CYYR1: variants seen among roughly 807,000 people sequenced by gnomAD.
The protein encoded by CYYR1 is cysteine and tyrosine rich 1.
CYYR1 carries 14 observed loss-of-function variants against 15.2 expected under a neutral mutation model. The ratio of observed to expected loss-of-function variants is 0.92; its 90% CI spans 0.61 to 1.44. CYYR1 has a LOEUF of 1.44. Among genes scored for constraint, CYYR1 ranks in the 40% most tolerant of loss-of-function variants. The pLI is 0.00. For missense variants in CYYR1, 228 were observed against 209.5 expected, an observed-to-expected ratio of 1.09 and a Z score of -0.54; for synonymous variants, 80 against 77.4, an observed-to-expected ratio of 1.03 and a Z score of -0.18.
chr21:26,534,895 G>A (rs1361100492), intron 2 of CYYR1, among the ~76,000 whole-genome samples: 7 of 152,102 alleles, frequency 4.6e-5, no homozygotes, highest in East Asian at 1.9e-4. Flanking sequence ...TTGTATGTAC[G>A]ATCTTATGTA....
In CYYR1 at chr21:26,556,920, A is replaced by G. The variant is rs539415267; in HGVS notation, c.176+9346T>C. 5.9e-5 allele frequency among the ~76,000 whole-genome samples: 9 copies of G among 152,274 alleles called. No homozygotes were observed. The South Asian group carries it at 1.7e-3, about 28-fold the overall frequency. On this transcript the variant is annotated intron_variant, in intron 2 of 3. Coordinates refer to ENST00000652641, the MANE Select transcript of CYYR1 (RefSeq NM_001320768.2). ...GGTAAGAAAAGGTTCTCTCCAAAAT[A>G]TAGCGTTTAGGTCTTCAAAAGGATA...
At chr21:26,559,443 C>A (rs187172925) in intron 2 of CYYR1, among the ~76,000 whole-genome samples, 1 of 152,208 alleles carries the variant, frequency 6.6e-6, no homozygotes, top group Non-Finnish European at 1.5e-5. Flanking sequence ...TAATTCACGT[C>A]CCACAAAACT....
At chr21:26,571,841 C>T (rs1174038805) in intron 1 of CYYR1, among the ~76,000 whole-genome samples, 1 of 152,146 alleles carries the variant, frequency 6.6e-6, no homozygotes, top group Non-Finnish European at 1.5e-5. Flanking sequence ...TGCCATAAAA[C>T]ATCTTTAAAA....
chr21:26,516,988 G>T (rs945712867), intron 2 of CYYR1, among the ~76,000 whole-genome samples: 4 of 150,160 alleles, frequency 2.7e-5, no homozygotes, highest in African/African-American at 4.9e-5. Context: ...GGTAGCGGGC[G>T]CCTGTAGTCC....
chr21:26,481,365 A>G (rs574725067), intron 2 of CYYR1, among the ~76,000 whole-genome samples: 1 of 152,244 alleles, frequency 6.6e-6, no homozygotes, highest in South Asian at 2.1e-4. Flanking sequence ...GGACTGACAG[A>G]AAAAAATTCG....
At chr21:26,540,017 C>CT (rs1416936786) in intron 2 of CYYR1, among the ~76,000 whole-genome samples, 4 of 152,138 alleles carry the variant, frequency 2.6e-5, no homozygotes, top group Non-Finnish European at 5.9e-5. Context: ...AGGAAGGCCT[C>CT]TTTTTTGTGT....
chr21:26,469,849 G>T lies in CYYR1; in HGVS notation c.335-1215C>A, dbSNP rs372595566. Among the ~76,000 whole-genome samples the T allele has an allele frequency of 7.2e-5, 11 of 152,130 alleles. No individual in the cohort carries two copies. The East Asian group carries it at 1.4e-3, about 19-fold the overall frequency. ...TACTTTATGATGACTATACATAAAAGTCTATTTTGTAGTGGTTTCAGTTCC... is the reference window on the plus strand; with the variant it reads ...TACTTTATGATGACTATACATAAAATTCTATTTTGTAGTGGTTTCAGTTCC... On this transcript the variant is annotated intron_variant, in intron 3 of 3. Coordinates refer to ENST00000652641, the MANE Select transcript of CYYR1 (RefSeq NM_001320768.2).
intron 2 of CYYR1, among the ~76,000 whole-genome samples, chr21:26,535,340 T>C (rs375817239): frequency 8.7e-4 from 132 of 152,280 alleles, no homozygotes; most frequent in African/African-American, 3.1e-3. Context: ...AGAGACAACC[T>C]GGCACAAAGG....
Position 26,533,982 on chromosome 21 carries a change from C to T in CYYR1, c.176+32284G>A, listed in dbSNP as rs779875573. On this transcript the variant is annotated intron_variant, in intron 2 of 3. Transcript: ENST00000652641. ...AAAATTCAGGATTCCAGTGTAACTGCGCCACAGAAACAGAGCACCAAGCAC... is the reference window on the plus strand; with the variant it reads ...AAAATTCAGGATTCCAGTGTAACTGTGCCACAGAAACAGAGCACCAAGCAC... 4.6e-5 allele frequency among the ~76,000 whole-genome samples: 7 copies of T among 152,092 alleles called. 1 individual carries two copies. In the East Asian group the frequency reaches 7.7e-4, roughly 17 times the overall value.
At chr21:26,545,974 G>A (rs1451141472) in intron 2 of CYYR1, among the ~76,000 whole-genome samples, 4 of 152,124 alleles carry the variant, frequency 2.6e-5, no homozygotes, top group Non-Finnish European at 5.9e-5. Context: ...CATGGACCTG[G>A]CTGTCCAGGT....
intron 2 of CYYR1, among the ~76,000 whole-genome samples, chr21:26,495,254 G>A (rs2065381043): frequency 6.6e-6 from 1 of 152,148 alleles, no homozygotes; most frequent in East Asian, 1.9e-4. Flanking sequence ...AGATCTAACA[G>A]CAACAGGAAT....
chr21:26,517,445 T>G (rs1011065665), intron 2 of CYYR1, among the ~76,000 whole-genome samples: 1 of 152,190 alleles, frequency 6.6e-6, no homozygotes, highest in Non-Finnish European at 1.5e-5. Flanking sequence ...ATATTTAGTT[T>G]GAAAAAAATA....
chr21:26,564,676 T>C, intron 2 of CYYR1: 1 of 1,082,276 alleles, frequency 9.2e-7, no homozygotes, highest in Non-Finnish European at 1.1e-6. Flanking sequence ...GAGGTAGCTA[T>C]GGAGTGAGAA....
chr21:26,572,820 A>G (rs778094973), intron 1 of CYYR1, 48 bp downstream of exon 1: 6 of 1,605,902 alleles, frequency 3.7e-6, no homozygotes, highest in Middle Eastern at 1.7e-4. Context: ...CCGTGACCCA[A>G]GGGCAGCCCC....
At chr21:26,519,536 G>T (rs1030861069) in intron 2 of CYYR1, among the ~76,000 whole-genome samples, 5 of 152,280 alleles carry the variant, frequency 3.3e-5, no homozygotes, top group East Asian at 1.9e-4. Flanking sequence ...AGGTTAAGGG[G>T]CCAGGTCGTG....
At chr21:26,504,791 C>A (rs984497190) in intron 2 of CYYR1, among the ~76,000 whole-genome samples, 1 of 152,164 alleles carries the variant, frequency 6.6e-6, no homozygotes, top group African/African-American at 2.4e-5. Flanking sequence ...ACCATCCTCA[C>A]CTCCATCCGA....
chr21:26,518,809 A>G (rs1426110343), intron 2 of CYYR1, among the ~76,000 whole-genome samples: 1 of 152,194 alleles, frequency 6.6e-6, no homozygotes, highest in Non-Finnish European at 1.5e-5. Flanking sequence ...TTAACAATTG[A>G]CTACCTCAAG....
chr21:26,489,233 T>C (rs2065293721), intron 2 of CYYR1, among the ~76,000 whole-genome samples: 1 of 152,164 alleles, frequency 6.6e-6, no homozygotes, highest in South Asian at 2.1e-4. Context: ...TATACATTAC[T>C]TCGATGTCAA....
chr21:26,533,513 C>G (rs141220019), intron 2 of CYYR1, among the ~76,000 whole-genome samples: 45 of 152,186 alleles, frequency 3.0e-4, no homozygotes, highest in Middle Eastern at 3.4e-3. Context: ...ATTCACCCCT[C>G]CTCTGCCTTT....
Sources: gnomAD v4.1 joint callset for allele counts (sites outside exome capture counted in the v4.1 genomes callset) on GRCh38, gnomAD v4.1.1 for gene constraint, MANE v1.5 for transcripts, NCBI Gene and HGNC (gene_info 2026-07-23, HGNC 2026-07-21) for gene names.